The following CTNNA3 variants were observed in gnomAD, a reference collection of about 807,000 sequenced individuals.
CTNNA3 encodes the protein catenin alpha-3.
In CTNNA3, 76 loss-of-function variants were observed where a neutral mutation model predicts 95.7. The ratio of observed to expected loss-of-function variants is 0.79; its 90% CI spans 0.66 to 0.96. The LOEUF (loss-of-function observed/expected upper bound fraction) is 0.96. Ranked by LOEUF, CTNNA3 falls within the 40% of genes least tolerant of loss-of-function variation. The pLI, the probability that CTNNA3 is intolerant of heterozygous loss-of-function variation, is 0.00. For missense variants in CTNNA3, 1,191 were observed against 1,089.8 expected (o/e 1.09, Z -1.31); for synonymous variants, 431 against 374.4 (o/e 1.15, Z -1.74).
intron 7 of CTNNA3, among the ~76,000 whole-genome samples, chr10:67,161,171 G>A (rs1368738048): frequency 6.6e-6 from 1 of 151,976 alleles, no homozygotes; most frequent in Admixed American, 6.6e-5. Context: ...TAAGATTGTA[G>A]TTCTCTTATT....
chr10:66,017,675 AT>A (rs924403249), intron 15 of CTNNA3, among the ~76,000 whole-genome samples: 3 of 152,122 alleles, frequency 2.0e-5, no homozygotes, highest in Admixed American at 6.5e-5. Context: ...CACATTTAGG[AT>A]GGATCATCCT....
At chr10:67,612,955 C>G (rs1439436354) in intron 2 of CTNNA3, among the ~76,000 whole-genome samples, 1 of 152,188 alleles carries the variant, frequency 6.6e-6, no homozygotes, top group African/African-American at 2.4e-5. Flanking sequence ...ACCAGCCCTA[C>G]ATTCCCACTA....
intron 15 of CTNNA3, among the ~76,000 whole-genome samples, chr10:66,029,718 G>T (rs1589268025): frequency 6.6e-6 from 1 of 152,104 alleles, no homozygotes; most frequent in African/African-American, 2.4e-5. Context: ...AGGAACATTT[G>T]TAGTTTTCAC....
At chr10:67,316,214 TA>T (rs915898588) in intron 5 of CTNNA3, among the ~76,000 whole-genome samples, 1 of 152,186 alleles carries the variant, frequency 6.6e-6, no homozygotes, top group African/African-American at 2.4e-5. Context: ...CCCATTTTCC[TA>T]AAATTACATC....
At position 66,772,004 on chromosome 10, in the gene CTNNA3, T is replaced by G. The variant is rs189318212; in HGVS notation, c.1128+3440A>C. Among the ~76,000 whole-genome samples the G allele has an allele frequency of 2.8e-3, 404 of 143,294 alleles. 4 individuals carry two copies. The highest frequency in any genetic ancestry group is 0.011 in the African/African-American group (386 of 36,616). The allele number at this position is 143,294 out of a possible 152,430, so 94.0% of individuals were successfully genotyped here. A position where few individuals can be genotyped will look rare whatever the true frequency, so the allele number is the denominator to read the frequency against. On this transcript the variant is annotated intron_variant, in intron 8 of 17. Coordinates refer to ENST00000433211, the MANE Select transcript of CTNNA3 (RefSeq NM_013266.4). ...AATTTAGTTGCTTATGAGTTGGGGT[T>G]GTGTGTAAGGAGAGTGAGTGGGGAA...
At chr10:66,689,066 TCTC>T (rs1847413921) in intron 9 of CTNNA3, among the ~76,000 whole-genome samples, 1 of 150,488 alleles carries the variant, frequency 6.6e-6, no homozygotes, top group African/African-American at 2.5e-5. Flanking sequence ...ATTATTGAAA[TCTC>T]CTGTGTGTGT....
At chr10:67,726,924 AATT>A (rs1841234205) in intron 1 of CTNNA3, among the ~76,000 whole-genome samples, 1 of 114,606 alleles carries the variant, frequency 8.7e-6, no homozygotes, top group South Asian at 2.5e-4. Flanking sequence ...ATATGATATA[AATT>A]ATATCATATA....
chr10:66,418,112 TAAAAA>T (rs201086969), intron 11 of CTNNA3, among the ~76,000 whole-genome samples: 6 of 135,086 alleles, frequency 4.4e-5, no homozygotes, highest in Admixed American at 1.5e-4. Flanking sequence ...TTGAAAACAT[TAAAAA>T]AAAAAAAAAC....
At chr10:67,126,104 G>A (rs1859709551) in intron 7 of CTNNA3, among the ~76,000 whole-genome samples, 1 of 152,170 alleles carries the variant, frequency 6.6e-6, no homozygotes, top group Non-Finnish European at 1.5e-5. Flanking sequence ...AAGACATTGT[G>A]GAAAAGAGAA....
chr10:66,568,922 A>G (rs1490104075), intron 10 of CTNNA3, among the ~76,000 whole-genome samples: 1 of 151,924 alleles, frequency 6.6e-6, no homozygotes, highest in African/African-American at 2.4e-5. Context: ...CTATCTCTAC[A>G]TCCTAAAGGA....
intron 5 of CTNNA3, among the ~76,000 whole-genome samples, chr10:67,443,453 A>G (rs1278511111): frequency 6.6e-6 from 1 of 150,888 alleles, no homozygotes; most frequent in African/African-American, 2.4e-5. Flanking sequence ...CCTCTCCAGC[A>G]CCTGTTGTTT....
chr10:66,084,154 A>AATG (rs35492391), intron 14 of CTNNA3, among the ~76,000 whole-genome samples: 2 of 141,342 alleles, frequency 1.4e-5, no homozygotes, highest in Non-Finnish European at 3.1e-5. Flanking sequence ...AAAAGAAAAA[A>AATG]AAAGAAAAAG....
At chr10:65,954,331 T>C (rs1310720349) in intron 17 of CTNNA3, among the ~76,000 whole-genome samples, 1 of 152,232 alleles carries the variant, frequency 6.6e-6, no homozygotes, top group African/African-American at 2.4e-5. Context: ...TCCCATTCTG[T>C]AGGTTGCCTG....
chr10:67,506,188 T>C (rs1017221387), intron 5 of CTNNA3, among the ~76,000 whole-genome samples: 1 of 152,224 alleles, frequency 6.6e-6, no homozygotes, highest in African/African-American at 2.4e-5. Context: ...CATTTGAAAC[T>C]AGAGTGTATG....
intron 7 of CTNNA3, among the ~76,000 whole-genome samples, chr10:66,984,504 G>A (rs1293738516): frequency 6.6e-6 from 1 of 152,116 alleles, no homozygotes; most frequent in Non-Finnish European, 1.5e-5. Context: ...TGTTTCTTAG[G>A]AAGTCATTTT....
chr10:66,766,802 CTTG>C (rs1839877418), intron 8 of CTNNA3, among the ~76,000 whole-genome samples: 2 of 151,928 alleles, frequency 1.3e-5, no homozygotes, highest in African/African-American at 4.8e-5. Flanking sequence ...TGTTTTCTAC[CTTG>C]TTGGAGGAAC....
chr10:67,082,147 AAC>A lies in CTNNA3; in HGVS notation c.1047+98168_1047+98169del, dbSNP rs974780942. Among the ~76,000 whole-genome samples, 218 of 152,328 alleles carry A rather than the reference AAC, an allele frequency of 1.4e-3. 1 individual carries two copies. Among genetic ancestry groups the A allele is most frequent in the African/African-American group, 5.0e-3 (208 of 41,562 alleles). On this transcript the variant is annotated intron_variant, in intron 7 of 17. Transcript: ENST00000433211. ...TAGAGAGGATTTTTTAAAATTAAAA[AAC>A]AGAGAATTTTTATATTACATTTTAA...
At chr10:66,423,513 A>AAC (rs2093213705) in intron 11 of CTNNA3, among the ~76,000 whole-genome samples, 1 of 152,172 alleles carries the variant, frequency 6.6e-6, no homozygotes, top group African/African-American at 2.4e-5. Context: ...GGTCAGCATG[A>AAC]ACATAAACCA....
intron 5 of CTNNA3, among the ~76,000 whole-genome samples, chr10:67,488,110 T>C (rs893272953): frequency 6.6e-6 from 1 of 151,954 alleles, no homozygotes; most frequent in East Asian, 1.9e-4. Flanking sequence ...AAATTGGAGG[T>C]TCTTGGGCAA....
Sources: allele counts gnomAD v4.1 joint callset (sites outside exome capture counted in the v4.1 genomes callset), GRCh38; gene constraint gnomAD v4.1.1; transcripts MANE v1.5; gene names NCBI Gene and HGNC (gene_info 2026-07-23, HGNC 2026-07-21).